GMDS: variants seen among roughly 807,000 people sequenced by gnomAD.
The protein encoded by GMDS is GDP-mannose 4,6-dehydratase.
GMDS carries 20 observed loss-of-function variants against 49.9 expected under a neutral mutation model. The observed-to-expected ratio is 0.40, with a 90% CI of 0.28 to 0.58. GMDS has a LOEUF of 0.58. GMDS is among the 20% of genes least tolerant of loss of function. The pLI, the probability that GMDS is intolerant of heterozygous loss-of-function variation, is 0.42. For missense variants in GMDS, 362 were observed against 481.4 expected (o/e 0.75, Z 2.32); for synonymous variants, 177 against 178.6 (o/e 0.99, Z 0.07).
chr6:1,963,106 A>G (rs1266274581), intron 4 of GMDS, among the ~76,000 whole-genome samples: 11 of 150,002 alleles, frequency 7.3e-5, no homozygotes, highest in African/African-American at 2.7e-4. Context: ...CAAACTCCTG[A>G]TCTCATGATC....
At chr6:1,947,700 A>G (rs1368190724) in intron 6 of GMDS, among the ~76,000 whole-genome samples, 1 of 152,226 alleles carries the variant, frequency 6.6e-6, no homozygotes, top group Non-Finnish European at 1.5e-5. Context: ...TTTTTACTCT[A>G]GGAATCATTA....
chr6:1,884,294 A>T (rs1339814659), intron 7 of GMDS, among the ~76,000 whole-genome samples: 3 of 152,254 alleles, frequency 2.0e-5, no homozygotes, highest in Admixed American at 1.3e-4. Flanking sequence ...AATATGATAT[A>T]AGAGGGCAAT....
At chr6:1,696,010 CT>C (rs1158157241) in intron 9 of GMDS, among the ~76,000 whole-genome samples, 1 of 149,170 alleles carries the variant, frequency 6.7e-6, no homozygotes, top group African/African-American at 2.5e-5. Context: ...CGTGGACCAG[CT>C]TTGACGATGA....
intron 4 of GMDS, among the ~76,000 whole-genome samples, chr6:2,109,165 T>A (rs191669275): frequency 6.6e-6 from 1 of 152,310 alleles, no homozygotes; most frequent in East Asian, 1.9e-4. Context: ...TAGACTGAAC[T>A]GTGAGCAGGC....
chr6:1,694,707 T>C (rs571624588), intron 9 of GMDS, among the ~76,000 whole-genome samples: 1 of 152,358 alleles, frequency 6.6e-6, no homozygotes, highest in East Asian at 1.9e-4. Context: ...GTTGGCAGAA[T>C]GACATTTCTC....
At chr6:2,162,171 T>C (rs1777435138) in intron 1 of GMDS, among the ~76,000 whole-genome samples, 1 of 152,192 alleles carries the variant, frequency 6.6e-6, no homozygotes, top group Non-Finnish European at 1.5e-5. Context: ...CAATGCCTAT[T>C]TTAAAAATAA....
intron 6 of GMDS, among the ~76,000 whole-genome samples, chr6:1,948,716 C>T (rs185234528): frequency 5.8e-4 from 88 of 152,232 alleles, no homozygotes; most frequent in African/African-American, 2.1e-3. Flanking sequence ...ATCTTTCACA[C>T]GTCCTTGATA....
chr6:1,756,607 C>T (rs1767956666), intron 7 of GMDS, among the ~76,000 whole-genome samples: 1 of 152,126 alleles, frequency 6.6e-6, no homozygotes, highest in Admixed American at 6.5e-5. Flanking sequence ...ATTCAGTGTG[C>T]AGGAACTCAA....
intron 7 of GMDS, among the ~76,000 whole-genome samples, chr6:1,922,773 G>A (rs890393603): frequency 2.0e-5 from 3 of 152,156 alleles, no homozygotes; most frequent in African/African-American, 7.2e-5. Context: ...GTCAGGGGAA[G>A]ACTTGTCCCG....
chr6:1,971,209 G>A (rs1200164659), intron 4 of GMDS, among the ~76,000 whole-genome samples: 1 of 152,182 alleles, frequency 6.6e-6, no homozygotes, highest in Non-Finnish European at 1.5e-5. Context: ...GGAGCCAGCA[G>A]TGGCTCTGGA....
chr6:2,021,927 CTT>C (rs1259640584), intron 4 of GMDS, among the ~76,000 whole-genome samples: 1 of 152,212 alleles, frequency 6.6e-6, no homozygotes, highest in Non-Finnish European at 1.5e-5. Context: ...GCCACTGTCT[CTT>C]TCTCAACATC....
At chr6:1,727,053 A>T (rs1054374357) in intron 8 of GMDS, among the ~76,000 whole-genome samples, 1 of 152,170 alleles carries the variant, frequency 6.6e-6, no homozygotes, top group Non-Finnish European at 1.5e-5. Flanking sequence ...CTCTCCCGTC[A>T]ATGGTGGGCC....
intron 7 of GMDS, among the ~76,000 whole-genome samples, chr6:1,919,783 T>C (rs963422848): frequency 2.6e-5 from 4 of 152,200 alleles, no homozygotes; most frequent in Non-Finnish European, 5.9e-5. Context: ...GTGTTAAACA[T>C]CTTATTCTTA....
chr6:1,704,317 C>T (rs924116275), intron 9 of GMDS, among the ~76,000 whole-genome samples: 2 of 151,716 alleles, frequency 1.3e-5, no homozygotes, highest in Non-Finnish European at 2.9e-5. Flanking sequence ...TAAGGCAGCC[C>T]TGCCTGAGGA....
intron 7 of GMDS, among the ~76,000 whole-genome samples, chr6:1,784,620 A>T (rs961294103): frequency 1.3e-5 from 2 of 152,122 alleles, no homozygotes; most frequent in African/African-American, 4.8e-5. Context: ...TGGATGGTAG[A>T]GAAACTTTTG....
chr6:1,749,028 G>A (rs1385722239), intron 7 of GMDS, among the ~76,000 whole-genome samples: 1 of 152,126 alleles, frequency 6.6e-6, no homozygotes, highest in African/African-American at 2.4e-5. Context: ...TCTTAGGAGG[G>A]GGAACAGGAA....
At chr6:2,176,105 C>T in intron 1 of GMDS, 2 of 802,374 alleles carry the variant, frequency 2.5e-6, no homozygotes, top group Non-Finnish European at 3.9e-6. Context: ...TTCTGGTGTC[C>T]AGCCCCCCTT....
chr6:2,084,506 CT>C (rs916770951), intron 4 of GMDS, among the ~76,000 whole-genome samples: 2 of 151,110 alleles, frequency 1.3e-5, no homozygotes, highest in Admixed American at 1.3e-4. Flanking sequence ...AAATAAAACT[CT>C]TTTTTTTTCT....
At chr6:2,204,296 T>G (rs1435913889) in intron 1 of GMDS, among the ~76,000 whole-genome samples, 1 of 152,202 alleles carries the variant, frequency 6.6e-6, no homozygotes, top group East Asian at 1.9e-4. Context: ...CCCCAAATCT[T>G]GTCCAATGCT....
Sources: gnomAD v4.1 joint callset for allele counts (sites outside exome capture counted in the v4.1 genomes callset) on GRCh38, gnomAD v4.1.1 for gene constraint, MANE v1.5 for transcripts, NCBI Gene and HGNC (gene_info 2026-07-23, HGNC 2026-07-21) for gene names.